The following ATXN1 variants were observed in gnomAD, a reference collection of about 807,000 sequenced individuals.
ATXN1 encodes ataxin-1.
ATXN1 carries 8 observed loss-of-function variants against 56.4 expected under a neutral mutation model. The ratio of observed to expected loss-of-function variants is 0.14; its 90% confidence interval spans 0.08 to 0.26. ATXN1 has a LOEUF of 0.26. ATXN1 is among the 10% of genes least tolerant of loss of function. The probability of loss-of-function intolerance (pLI) is 1.00; values close to 1 mark genes in which losing one functional copy is unlikely to be tolerated. For missense variants in ATXN1, 987 were observed against 1,106.5 expected, an observed-to-expected ratio of 0.89 and a Z score of 1.53; for synonymous variants, 514 against 494.6, an observed-to-expected ratio of 1.04 and a Z score of -0.52.
intron 3 of ATXN1, among the ~76,000 whole-genome samples, chr6:16,635,873 ACG>A (rs1763587278): frequency 1.8e-5 from 1 of 54,184 alleles, no homozygotes; most frequent in Admixed American, 2.7e-4. Context: ...ACACAAAGCG[ACG>A]ACGCCCACTG....
intron 5 of ATXN1, among the ~76,000 whole-genome samples, chr6:16,501,801 A>AT (rs1443915497): frequency 6.6e-6 from 1 of 152,142 alleles, no homozygotes. Flanking sequence ...ATGTGTCTTT[A>AT]TAACAGAATG....
intron 3 of ATXN1, among the ~76,000 whole-genome samples, chr6:16,616,452 A>C (rs1763210614): frequency 1.3e-5 from 2 of 151,286 alleles, no homozygotes; most frequent in South Asian, 4.2e-4. Context: ...AGACAGAAGA[A>C]TCACTTGAAC....
chr6:16,690,964 T>A (rs530373151), intron 2 of ATXN1, among the ~76,000 whole-genome samples: 3 of 152,242 alleles, frequency 2.0e-5, no homozygotes, highest in East Asian at 1.9e-4. Context: ...AAACTGAGAA[T>A]GAGACAAAGG....
chr6:16,527,020 TAAA>T (rs76670120), intron 4 of ATXN1, among the ~76,000 whole-genome samples: 1 of 103,488 alleles, frequency 9.7e-6, no homozygotes, highest in African/African-American at 3.6e-5. Flanking sequence ...GGTGAAAACC[TAAA>T]AAAAAAAAAA....
chr6:16,649,237 A>G (rs1481687239), intron 3 of ATXN1, among the ~76,000 whole-genome samples: 2 of 151,890 alleles, frequency 1.3e-5, no homozygotes, highest in African/African-American at 4.8e-5. Flanking sequence ...AAGCCAAGTT[A>G]TTTTTTTCTC....
At chr6:16,710,893 T>C (rs952486405) in intron 2 of ATXN1, among the ~76,000 whole-genome samples, 4 of 151,898 alleles carry the variant, frequency 2.6e-5, no homozygotes, top group Admixed American at 6.6e-5. Flanking sequence ...CAGCCTATTA[T>C]TATTATTTTT....
chr6:16,733,318 T>C (rs1760033792), intron 2 of ATXN1, among the ~76,000 whole-genome samples: 1 of 152,202 alleles, frequency 6.6e-6, no homozygotes, highest in South Asian at 2.1e-4. Flanking sequence ...CCCAACACTT[T>C]GGGAGGCCGA....
chr6:16,568,280 G>T (rs1306996098), intron 4 of ATXN1, among the ~76,000 whole-genome samples: 3 of 152,026 alleles, frequency 2.0e-5, no homozygotes, highest in Admixed American at 2.0e-4. Context: ...CATAAAGAGA[G>T]TATTAAATTT....
rs553411669 is a variant in ATXN1, at chr6:16,366,374, C to T, written c.-160-37904G>A. On this transcript the variant is annotated intron_variant, in intron 6 of 7. Coordinates refer to ENST00000436367, the MANE Select transcript of ATXN1 (RefSeq NM_001128164.2). ...CTGGCTCTGGCACCCTATCCGCTGA[C>T]CCCTTTGCAACAATCAGAAGCAGGA... is the stretch of plus-strand genomic sequence containing the variant. Among the ~76,000 whole-genome samples the T allele has an allele frequency of 2.0e-5, 3 of 152,204 alleles. No individual in the cohort carries two copies. In the South Asian group the frequency reaches 6.2e-4, roughly 32 times the overall value.
At chr6:16,412,109 G>T (rs886841078) in intron 6 of ATXN1, among the ~76,000 whole-genome samples, 1 of 152,102 alleles carries the variant, frequency 6.6e-6, no homozygotes, top group African/African-American at 2.4e-5. Flanking sequence ...AGGTTGTAAC[G>T]GATGAAATTA....
chr6:16,527,197 AT>A, intron 4 of ATXN1, among the ~76,000 whole-genome samples: 1 of 152,220 alleles, frequency 6.6e-6, no homozygotes, highest in South Asian at 2.1e-4. Context: ...CTTGCCCTCA[AT>A]TAAGGGTGCC....
intron 2 of ATXN1, among the ~76,000 whole-genome samples, chr6:16,679,793 T>C (rs1195277979): frequency 6.6e-6 from 1 of 152,170 alleles, no homozygotes; most frequent in Admixed American, 6.5e-5. Flanking sequence ...ATAAGTAAAA[T>C]ATTGGTGTTT....
At chr6:16,333,503 G>T (rs553623284) in intron 6 of ATXN1, among the ~76,000 whole-genome samples, 2 of 152,276 alleles carry the variant, frequency 1.3e-5, no homozygotes, top group African/African-American at 4.8e-5. Flanking sequence ...CTTAGAATTT[G>T]ATATATAAAC....
rs1049617384 is a variant in ATXN1, at chr6:16,724,548, G to C, written c.-615+28685C>G. On this transcript the variant is annotated intron_variant, in intron 2 of 7. Coordinates refer to ENST00000436367, the MANE Select transcript of ATXN1 (RefSeq NM_001128164.2). ...TGAACAGGGTGAAAAACAGCCACTGGAGCTGGCTATTTACAACCTTGCTCT... is the reference window on the plus strand; with the variant it reads ...TGAACAGGGTGAAAAACAGCCACTGCAGCTGGCTATTTACAACCTTGCTCT... Among the ~76,000 whole-genome samples, 3 of 152,164 alleles carry C rather than the reference G, an allele frequency of 2.0e-5. No individual in the cohort carries two copies. The East Asian group carries it at 5.8e-4, about 29-fold the overall frequency.
At position 16,695,718 on chromosome 6, in the gene ATXN1, AT is replaced by A. The variant is rs369425829; in HGVS notation, c.-614-37818del. On this transcript the variant is annotated intron_variant, in intron 2 of 7. Coordinates refer to ENST00000436367, the MANE Select transcript of ATXN1 (RefSeq NM_001128164.2). ...AAGAGAAGTGACTGTATTTATTTTT[AT>A]TTTACCCAATGTCCATTTGGGCAGT... Among the ~76,000 whole-genome samples, 151 of 152,274 alleles carry A rather than the reference AT, an allele frequency of 9.9e-4. 3 individuals are homozygous for A. The East Asian group carries it at 0.026, about 26-fold the overall frequency.
In ATXN1 at chr6:16,327,471, C is replaced by T. The variant is rs746362347; in HGVS notation, c.840G>A (p.Thr280=). The change falls in exon 7 of 8, where the codon ACG becomes ACA. Residue 280 remains threonine (T), a synonymous_variant. Coordinates refer to ENST00000436367, the MANE Select transcript of ATXN1 (RefSeq NM_001128164.2). ...CCTGGGAGGGGGGCCCCAGGGTGAGCGTGTGTGGGATCATCGTCTGGTGGG... is the reference window on the plus strand; with the variant it reads ...CCTGGGAGGGGGGCCCCAGGGTGAGTGTGTGTGGGATCATCGTCTGGTGGG... ...LHPHQTMIPH[T]LTLGPPSQVV... 131 of 1,612,986 alleles carry T rather than the reference C, an allele frequency of 8.1e-5. No homozygotes were observed. The highest frequency in any genetic ancestry group is 1.0e-4 in the Non-Finnish European group (121 of 1,179,862).
intron 6 of ATXN1, among the ~76,000 whole-genome samples, chr6:16,454,154 A>C (rs1318647791): frequency 4.9e-5 from 7 of 142,556 alleles, no homozygotes; most frequent in East Asian, 2.0e-4. Context: ...AAAAAAAAAA[A>C]CAGAAGAATT....
At chr6:16,336,909 T>C (rs1248355988) in intron 6 of ATXN1, among the ~76,000 whole-genome samples, 1 of 152,228 alleles carries the variant, frequency 6.6e-6, no homozygotes, top group African/African-American at 2.4e-5. Context: ...TTTTGGGCAA[T>C]GGATACGACT....
chr6:16,645,462 T>A (rs1004587216), intron 3 of ATXN1, among the ~76,000 whole-genome samples: 4 of 152,216 alleles, frequency 2.6e-5, no homozygotes, highest in African/African-American at 9.6e-5. Context: ...TGTACTTGCT[T>A]AGCAACGTGG....
Sources: allele counts gnomAD v4.1 joint callset (sites outside exome capture counted in the v4.1 genomes callset), GRCh38; gene constraint gnomAD v4.1.1; transcripts MANE v1.5; gene names NCBI Gene and HGNC (gene_info 2026-07-23, HGNC 2026-07-21).